The following ZNF83 variants were observed in gnomAD, a reference collection of about 807,000 sequenced individuals.
ZNF83 encodes zinc finger protein 83.
For synonymous variants in ZNF83, 209 were observed against 213.0 expected (o/e 0.98, Z 0.17); for missense variants, 552 against 629.9 (o/e 0.88, Z 1.32).
At chr19:52,677,306 T>TAAAAAAAAAA (rs67835464) in intron 1 of ZNF83, among the ~76,000 whole-genome samples, 3 of 106,456 alleles carry the variant, frequency 2.8e-5, no homozygotes, top group Non-Finnish European at 5.9e-5. Context: ...AATTGAGAAG[T>TAAAAAAAAAA]AAAAAAAAAA....
At chr19:52,666,575 C>T (rs2061656072) in intron 1 of ZNF83, among the ~76,000 whole-genome samples, 1 of 135,900 alleles carries the variant, frequency 7.4e-6, no homozygotes, top group African/African-American at 2.8e-5. Flanking sequence ...TTAGAGGAAA[C>T]CTCATTGTGA....
At chr19:52,631,417 G>A (rs1026810393) in intron 2 of ZNF83, among the ~76,000 whole-genome samples, 1 of 152,122 alleles carries the variant, frequency 6.6e-6, no homozygotes, top group African/African-American at 2.4e-5. Flanking sequence ...TGATGTCTGC[G>A]TGCAGCAGCT....
chr19:52,622,855 G>T (rs2060598416), intron 2 of ZNF83, among the ~76,000 whole-genome samples: 1 of 152,222 alleles, frequency 6.6e-6, no homozygotes, highest in Non-Finnish European at 1.5e-5. Flanking sequence ...TTCAAAGTGT[G>T]CAATAATAGA....
At chr19:52,617,901 G>A (rs1476030292) in intron 2 of ZNF83, 1 of 152,358 alleles carries the variant, frequency 6.6e-6, no homozygotes, top group Non-Finnish European at 1.5e-5. Context: ...CTATGTTTCT[G>A]TAGGAAAGAA....
At chr19:52,645,676 A>T (rs766212465) in intron 3 of ZNF83, among the ~76,000 whole-genome samples, 1 of 151,822 alleles carries the variant, frequency 6.6e-6, no homozygotes, top group Non-Finnish European at 1.5e-5. Flanking sequence ...GCGTGCTGAC[A>T]TATACCTGTA....
In ZNF83 at chr19:52,665,430, A is replaced by G. The variant is rs190835826; in HGVS notation, c.-282-4587T>C. ...AATAAGAAAAAAAGTGATTAAAAAAAAAAGCACTGACCTTGTAACAGTGCA... is the reference window on the plus strand; with the variant it reads ...AATAAGAAAAAAAGTGATTAAAAAAGAAAGCACTGACCTTGTAACAGTGCA... On this transcript the variant is annotated intron_variant, in intron 1 of 5. Transcript: ENST00000594682. 2.6e-3 allele frequency among the ~76,000 whole-genome samples: 394 copies of G among 152,338 alleles called. 3 individuals are homozygous for G. The highest frequency in any genetic ancestry group is 4.0e-3 in the Non-Finnish European group (271 of 68,024).
At chr19:52,627,008 T>G (rs541321175) in intron 2 of ZNF83, among the ~76,000 whole-genome samples, 219 of 152,292 alleles carry the variant, frequency 1.4e-3, no homozygotes, top group African/African-American at 4.7e-3. Flanking sequence ...ACCAACCTTA[T>G]GACTTTCCAT....
intron 1 of ZNF83, among the ~76,000 whole-genome samples, chr19:52,669,499 G>A (rs1389955140): frequency 6.6e-6 from 1 of 152,148 alleles, no homozygotes; most frequent in Non-Finnish European, 1.5e-5. Context: ...TGGGAAAATG[G>A]GATAGCCTTT....
chr19:52,624,988 C>G (rs1196521053), intron 2 of ZNF83, among the ~76,000 whole-genome samples: 1 of 152,142 alleles, frequency 6.6e-6, no homozygotes, highest in Non-Finnish European at 1.5e-5. Context: ...AGATACCACA[C>G]CTGACCCCCA....
At chr19:52,670,889 A>G (rs1254691490) in intron 1 of ZNF83, among the ~76,000 whole-genome samples, 3 of 152,220 alleles carry the variant, frequency 2.0e-5, no homozygotes, top group African/African-American at 7.2e-5. Context: ...TAGAGAGGAA[A>G]TGTTCAGGTT....
chr19:52,681,437 G>C (rs1302384906), intron 1 of ZNF83, among the ~76,000 whole-genome samples: 2 of 152,132 alleles, frequency 1.3e-5, no homozygotes, highest in Admixed American at 6.6e-5. Flanking sequence ...AGAAAAGAGA[G>C]TAAAGTCCAA....
At chr19:52,681,350 G>C (rs1328370639) in intron 1 of ZNF83, among the ~76,000 whole-genome samples, 1 of 148,756 alleles carries the variant, frequency 6.7e-6, no homozygotes, top group Non-Finnish European at 1.5e-5. Context: ...CAACATAACA[G>C]GTGATATTCA....
At chr19:52,679,071 G>A (rs1343282063) in intron 1 of ZNF83, among the ~76,000 whole-genome samples, 1 of 152,098 alleles carries the variant, frequency 6.6e-6, no homozygotes, top group Non-Finnish European at 1.5e-5. Context: ...CTGTTACAGG[G>A]TTGATTCTAC....
Position 52,676,777 on chromosome 19 carries a change from C to T in ZNF83, c.-283+13666G>A, listed in dbSNP as rs566076372. On this transcript the variant is annotated intron_variant, in intron 1 of 5. Transcript: ENST00000594682. ...ATGGGAGACTTTTCATTTTGTTCTG[C>T]ACTAAGAAAAATTCCTCTGCCTTGG... Among the ~76,000 whole-genome samples the T allele has an allele frequency of 2.2e-4, 31 of 138,702 alleles. 2 individuals carry two copies. Among genetic ancestry groups the T allele is most frequent in the Middle Eastern group, 3.5e-3 (1 of 282 alleles). 91.0% of individuals were successfully genotyped at this position (138,702 alleles called of 152,430 possible).
At chr19:52,649,402 T>C (rs1226748096) in intron 3 of ZNF83, among the ~76,000 whole-genome samples, 1 of 152,132 alleles carries the variant, frequency 6.6e-6, no homozygotes, top group Non-Finnish European at 1.5e-5. Context: ...GAGTATTATA[T>C]ATAAGGCAGT....
rs2060439070 is a variant in ZNF83, at chr19:52,619,199, A to G, written c.-233-4402T>C. ...ATCTGAGTAAGGGATTTTTCACCAC[A>G]TGATGTCTTCCCAGTGGTGTTTGAT... On this transcript the variant is annotated intron_variant, in intron 2 of 2. Coordinates refer to ENST00000301096, the Ensembl canonical transcript of ZNF83. 22 of 1,592,276 alleles carry G rather than the reference A, an allele frequency of 1.4e-5. No homozygotes were observed. In the South Asian group the frequency reaches 2.1e-4, roughly 15 times the overall value.
chr19:52,648,700 G>T (rs2061406315), intron 3 of ZNF83, among the ~76,000 whole-genome samples: 1 of 152,136 alleles, frequency 6.6e-6, no homozygotes, highest in Non-Finnish European at 1.5e-5. Flanking sequence ...ATCCACCACA[G>T]TCAGCTGAAA....
chr19:52,662,917 C>T (rs563048062), intron 1 of ZNF83, among the ~76,000 whole-genome samples: 21 of 152,224 alleles, frequency 1.4e-4, no homozygotes, highest in African/African-American at 3.4e-4. Flanking sequence ...AATCCCAGCA[C>T]TTTGGGAGGC....
In ZNF83 at chr19:52,634,903, T is replaced by C. The variant is rs202099366; in HGVS notation, c.-234+163A>G. Reference sequence around the variant, plus strand: ...GTTCATGTGATTGGGTCACAAGAGATGGAATCTAAGTGAGATGAGAGGGAC... The same window carrying C: ...GTTCATGTGATTGGGTCACAAGAGACGGAATCTAAGTGAGATGAGAGGGAC... On this transcript the variant is annotated intron_variant, in intron 2 of 2. Transcript: ENST00000301096. Among the ~76,000 whole-genome samples, 5 of 152,122 alleles carry C rather than the reference T, an allele frequency of 3.3e-5. No individual in the cohort carries two copies. In the East Asian group the frequency reaches 9.7e-4, roughly 30 times the overall value.
Sources: allele counts gnomAD v4.1 joint callset (sites outside exome capture counted in the v4.1 genomes callset), GRCh38; gene constraint gnomAD v4.1.1; transcripts MANE v1.5; gene names NCBI Gene and HGNC (gene_info 2026-07-23, HGNC 2026-07-21).